The following LMF1 variants were observed in gnomAD, a reference collection of about 807,000 sequenced individuals.
The protein encoded by LMF1 is lipase maturation factor 1.
In LMF1, 68 loss-of-function variants were observed where a neutral mutation model predicts 60.6. That is an observed-to-expected ratio of 1.12 (90% CI 0.92 to 1.37). The LOEUF is 1.37. Ranked by LOEUF, LMF1 falls within the 40% of genes most tolerant of loss-of-function variation. The pLI, the probability that LMF1 is intolerant of heterozygous loss-of-function variation, is 0.00. For synonymous variants in LMF1, 418 were observed against 324.7 expected (o/e 1.29, Z -3.09); for missense variants, 948 against 767.2 (o/e 1.24, Z -2.78).
At chr16:964,912 A>G (rs1331993755) in intron 1 of LMF1, among the ~76,000 whole-genome samples, 2 of 152,244 alleles carry the variant, frequency 1.3e-5, no homozygotes, top group East Asian at 1.9e-4. Context: ...CCACGCGGAA[A>G]AGAAGGAAGG....
upstream of LMF1, among the ~76,000 whole-genome samples, chr16:974,474 G>C: frequency 6.6e-6 from 1 of 152,300 alleles, no homozygotes; most frequent in East Asian, 1.9e-4. Context: ...GATGAGGCTC[G>C]GCCACCCCAG....
chr16:863,301 C>T lies in LMF1; in HGVS notation c.1529+5643G>A, dbSNP rs140613655. Among the ~76,000 whole-genome samples, 656 of 152,238 alleles carry T rather than the reference C, an allele frequency of 4.3e-3. 7 individuals carry two copies. Among genetic ancestry groups the T allele is most frequent in the African/African-American group, 0.015 (633 of 41,532 alleles). ...GACTACAGGCACCTGCCACCACGCCCAGCCAAGTTTTTGTATTTTTAGTAG... is the reference window on the plus strand; with the variant it reads ...GACTACAGGCACCTGCCACCACGCCTAGCCAAGTTTTTGTATTTTTAGTAG... On this transcript the variant is annotated intron_variant, in intron 10 of 10. Coordinates refer to ENST00000262301, the MANE Select transcript of LMF1 (RefSeq NM_022773.4).
intron 10 of LMF1, among the ~76,000 whole-genome samples, chr16:856,444 C>G (rs887770398): frequency 2.6e-5 from 4 of 152,196 alleles, no homozygotes; most frequent in Non-Finnish European, 4.4e-5. Flanking sequence ...CTTGCTAGGG[C>G]AATGCAGTCC....
intron 10 of LMF1, among the ~76,000 whole-genome samples, chr16:861,072 C>T (rs930353541): frequency 6.6e-6 from 1 of 152,100 alleles, no homozygotes; most frequent in Non-Finnish European, 1.5e-5. Context: ...AAGGACCTGT[C>T]ATCTCCACGT....
At chr16:971,115 A>G, upstream of LMF1, 2 of 907,426 alleles carry the variant, frequency 2.2e-6, no homozygotes, top group Non-Finnish European at 3.0e-6. Flanking sequence ...CCCCGCTCAC[A>G]GTCCCGGAGG....
chr16:919,592 G>A (rs1282064897), intron 3 of LMF1, among the ~76,000 whole-genome samples: 3 of 152,236 alleles, frequency 2.0e-5, no homozygotes, highest in African/African-American at 2.4e-5. Context: ...CTCAGAGGCA[G>A]GGAGGGCGTC....
At chr16:967,339 G>A (rs951316960) in intron 1 of LMF1, among the ~76,000 whole-genome samples, 5 of 152,210 alleles carry the variant, frequency 3.3e-5, no homozygotes, top group African/African-American at 7.2e-5. Flanking sequence ...GTCGACGCAC[G>A]ACCCTGGGGG....
rs2070071987 is a variant in LMF1, at chr16:878,755, G to GGCGGGCAGGA, written c.897+814_897+815insTCCTGCCCGC. On this transcript the variant is annotated intron_variant, in intron 6 of 10. Coordinates refer to ENST00000262301, the MANE Select transcript of LMF1 (RefSeq NM_022773.4). This position sits in a 1 kb window ranked among gnomAD's most constrained non-coding sequence, Gnocchi z 5.2. ...AGGGCAGGGGAAGGGCGGGGGCAGG[G>GGCGGGCAGGA]GCGGGCAGGGCAGGGGAAGGGGCGT... is the stretch of plus-strand genomic sequence containing the variant. 6.6e-6 allele frequency among the ~76,000 whole-genome samples: 1 copy of GGCGGGCAGGA among 151,632 alleles called. No homozygotes were observed. Among genetic ancestry groups the GGCGGGCAGGA allele is most frequent in the Admixed American group, 6.6e-5 (1 of 15,248 alleles).
At chr16:926,126 CTG>C (rs748025225) in intron 3 of LMF1, among the ~76,000 whole-genome samples, 2 of 151,232 alleles carry the variant, frequency 1.3e-5, no homozygotes, top group Admixed American at 6.6e-5. Flanking sequence ...CTGAATATGT[CTG>C]TGTGTGCATG....
intron 2 of LMF1, among the ~76,000 whole-genome samples, chr16:951,294 A>T: frequency 6.6e-6 from 1 of 151,872 alleles, no homozygotes; most frequent in South Asian, 2.1e-4. Context: ...AGCCAAGGAC[A>T]GAGTCAGAGC....
chr16:947,741 G>A (rs376196645), intron 2 of LMF1: 19 of 365,518 alleles, frequency 5.2e-5, no homozygotes, highest in East Asian at 3.7e-4. Flanking sequence ...AAAGCCAAGC[G>A]CGGATGACAG....
In LMF1 at chr16:874,420, C is replaced by T. The variant is rs1051121984; in HGVS notation, c.898-3079G>A. Among the ~76,000 whole-genome samples the T allele has an allele frequency of 1.4e-4, 22 of 152,192 alleles. No individual in the cohort carries two copies. The highest frequency in any genetic ancestry group is 2.6e-4 in the Admixed American group (4 of 15,288). ...CTCAGAGGTTCCAGACCTGAGCTCA[C>T]CCCCTGCCCCTCCCGCCCTGGCAGT... On this transcript the variant is annotated intron_variant, in intron 6 of 10. Coordinates refer to ENST00000262301, the MANE Select transcript of LMF1 (RefSeq NM_022773.4). This position sits in a 1 kb window ranked among gnomAD's most constrained non-coding sequence, Gnocchi z 4.1.
chr16:879,809 T>TCCCTGGCC (rs1406750506), intron 5 of LMF1, 72 bp from the exon 6 acceptor site: 7 of 1,450,460 alleles, frequency 4.8e-6, no homozygotes, highest in Non-Finnish European at 2.8e-6. Context: ...GGCTTGTGGG[T>TCCCTGGCC]CCCTGGCCCC....
chr16:887,783 A>G (rs1159990379), intron 5 of LMF1, among the ~76,000 whole-genome samples: 3 of 151,902 alleles, frequency 2.0e-5, no homozygotes, highest in Non-Finnish European at 2.9e-5. Flanking sequence ...CAGGGTGCAG[A>G]CAGTGACCTC....
At chr16:931,872 A>G (rs532361955) in intron 3 of LMF1, 2 of 1,190,554 alleles carry the variant, frequency 1.7e-6, no homozygotes, top group African/African-American at 3.1e-5. Flanking sequence ...TGAGTCAACA[A>G]TTCGCTTCTG....
chr16:955,462 T>C (rs1469506285), intron 1 of LMF1, among the ~76,000 whole-genome samples: 1 of 125,160 alleles, frequency 8.0e-6, no homozygotes, highest in Non-Finnish European at 1.6e-5. Flanking sequence ...GCAGACGCGG[T>C]GTGTGCATAC....
In LMF1 at chr16:915,794, C is replaced by T. The variant is rs946765734; in HGVS notation, c.515-4715G>A. On this transcript the variant is annotated intron_variant, in intron 3 of 10. Coordinates refer to ENST00000262301, the MANE Select transcript of LMF1 (RefSeq NM_022773.4). Reference sequence around the variant, plus strand: ...GCAGGGTGGGGCGACTGCGGTGCCTCAGGCGGGTGAGATGAGCACCATCAC... The same window carrying T: ...GCAGGGTGGGGCGACTGCGGTGCCTTAGGCGGGTGAGATGAGCACCATCAC... 2.6e-5 allele frequency among the ~76,000 whole-genome samples: 4 copies of T among 152,112 alleles called. No individual in the cohort carries two copies. The East Asian group carries it at 7.7e-4, about 29-fold the overall frequency.
intron 1 of LMF1, among the ~76,000 whole-genome samples, chr16:957,953 G>T (rs1387102450): frequency 6.6e-6 from 1 of 152,020 alleles, no homozygotes; most frequent in Non-Finnish European, 1.5e-5. Context: ...GAGCAGCCTG[G>T]GCAACATAGT....
At chr16:865,695 G>A (rs1041733043) in intron 10 of LMF1, among the ~76,000 whole-genome samples, 5 of 152,170 alleles carry the variant, frequency 3.3e-5, no homozygotes, top group Non-Finnish European at 4.4e-5. Flanking sequence ...CCAAATTTGG[G>A]AAGTTTTCAG....
Sources: allele counts gnomAD v4.1 joint callset (sites outside exome capture counted in the v4.1 genomes callset), GRCh38; gene constraint gnomAD v4.1.1; non-coding constraint Gnocchi (gnomAD v3.1); transcripts MANE v1.5; gene names NCBI Gene and HGNC (gene_info 2026-07-23, HGNC 2026-07-21).